The following RYR2 variants were observed in gnomAD, a reference collection of about 807,000 sequenced individuals.
The protein encoded by RYR2 is ryanodine receptor 2.
A neutral mutation model predicts 601.1 loss-of-function variants in RYR2; 227 were observed. That is an observed-to-expected ratio of 0.38 (90% CI 0.34 to 0.42). RYR2 has a LOEUF of 0.42. RYR2 is among the 10% of genes least tolerant of loss of function. The probability of loss-of-function intolerance (pLI) is 1.00; values close to 1 mark genes in which losing one functional copy is unlikely to be tolerated. For synonymous variants in RYR2, 2,223 were observed against 2,175.1 expected (o/e 1.02, Z -0.61); for missense variants, 4,646 against 6,156.5 (o/e 0.75, Z 8.21).
At chr1:237,612,752 C>A (rs1281540848) in intron 36 of RYR2, among the ~76,000 whole-genome samples, 1 of 152,010 alleles carries the variant, frequency 6.6e-6, no homozygotes, top group Admixed American at 6.5e-5. Context: ...GGAATTTTAA[C>A]ATTATAATTT....
chr1:237,422,554 A>G (rs1385444591), intron 11 of RYR2, among the ~76,000 whole-genome samples: 2 of 152,204 alleles, frequency 1.3e-5, no homozygotes, highest in Non-Finnish European at 2.9e-5. Flanking sequence ...AATGTAAAGT[A>G]TAAGAATACA....
chr1:237,485,579 C>T (rs1044349274), intron 17 of RYR2, among the ~76,000 whole-genome samples: 2 of 152,112 alleles, frequency 1.3e-5, no homozygotes, highest in Non-Finnish European at 2.9e-5. Context: ...CAGTCTTAGA[C>T]GGTGGGAGTG....
chr1:237,828,305 C>A, intron 101 of RYR2, 76 bp from the exon 102 acceptor site: 1 of 1,041,150 alleles, frequency 9.6e-7, no homozygotes, highest in Non-Finnish European at 1.4e-6. Flanking sequence ...TCTCCCCTTT[C>A]CCTGGGGGGA....
At chr1:237,476,546 G>A (rs1027408677) in intron 17 of RYR2, among the ~76,000 whole-genome samples, 4 of 138,878 alleles carry the variant, frequency 2.9e-5, no homozygotes, top group Admixed American at 7.3e-5. Flanking sequence ...AAAAAAGAAC[G>A]AGTCTTTGAG....
At chr1:237,639,695 T>C (rs1402313675) in intron 46 of RYR2, among the ~76,000 whole-genome samples, 1 of 152,140 alleles carries the variant, frequency 6.6e-6, no homozygotes, top group East Asian at 1.9e-4. Flanking sequence ...CGAGAAGCAG[T>C]CACTATCTTA....
chr1:237,230,205 A>G (rs1684830859), intron 1 of RYR2, among the ~76,000 whole-genome samples: 1 of 152,250 alleles, frequency 6.6e-6, no homozygotes, highest in African/African-American at 2.4e-5. Flanking sequence ...TGTTGCTCAG[A>G]TAGGCAAAGA....
At chr1:237,162,888 G>A (rs1161090095) in intron 1 of RYR2, among the ~76,000 whole-genome samples, 1 of 152,104 alleles carries the variant, frequency 6.6e-6, no homozygotes, top group African/African-American at 2.4e-5. Context: ...TAATGGGGCT[G>A]TTACAAAAGG....
chr1:237,157,363 A>G (rs542380759), intron 1 of RYR2, among the ~76,000 whole-genome samples: 2 of 151,722 alleles, frequency 1.3e-5, no homozygotes, highest in Non-Finnish European at 2.9e-5. Flanking sequence ...AAGAACTGCT[A>G]TATGATCCAG....
intron 19 of RYR2, among the ~76,000 whole-genome samples, 194 bp downstream of exon 19, chr1:237,493,281 A>G (rs961750035): frequency 1.3e-5 from 2 of 152,160 alleles, no homozygotes; most frequent in African/African-American, 2.4e-5. Flanking sequence ...CTAGCAAAAT[A>G]TGGATTTGCC....
At chr1:237,688,224 G>A (rs1485382700) in intron 63 of RYR2, among the ~76,000 whole-genome samples, 1 of 152,152 alleles carries the variant, frequency 6.6e-6, no homozygotes, top group Non-Finnish European at 1.5e-5. Flanking sequence ...ATAAACTGCC[G>A]AAGAAAATGT....
rs562370024 is a variant in RYR2 at position 237,152,219 on chromosome 1, G to A, written c.48+109650G>A. On this transcript the variant is annotated intron_variant, in intron 1 of 104. Transcript: ENST00000366574. ...TTATGGCTGCATAGTATTCCATGGT[G>A]TATATGTGCCACATTTTCTTTATCC... Among the ~76,000 whole-genome samples the A allele has an allele frequency of 9.8e-5, 15 of 152,298 alleles. No individual in the cohort carries two copies. In the South Asian group the frequency reaches 1.2e-3, roughly 13 times the overall value.
At chr1:237,627,530 T>C (rs1014092459) in intron 40 of RYR2, among the ~76,000 whole-genome samples, 2 of 152,206 alleles carry the variant, frequency 1.3e-5, no homozygotes, top group Non-Finnish European at 2.9e-5. Flanking sequence ...TTGCCAATGG[T>C]AATTTTGAAA....
At chr1:237,143,519 A>C (rs1673616454) in intron 1 of RYR2, among the ~76,000 whole-genome samples, 1 of 152,012 alleles carries the variant, frequency 6.6e-6, no homozygotes, top group African/African-American at 2.4e-5. Context: ...GCCTCCCATA[A>C]CTGTCCAGTA....
At chr1:237,716,100 C>T (rs1467342786) in intron 71 of RYR2, among the ~76,000 whole-genome samples, 1 of 151,970 alleles carries the variant, frequency 6.6e-6, no homozygotes, top group African/African-American at 2.4e-5. Context: ...TTTAATATAA[C>T]ACTTCAATAT....
intron 77 of RYR2, 126 bp from the exon 78 acceptor site, chr1:237,731,920 C>CA: frequency 4.0e-6 from 1 of 249,540 alleles, no homozygotes; most frequent in Non-Finnish European, 7.3e-6. Flanking sequence ...ACACACACAC[C>CA]CCACAACAGG....
At chr1:237,210,537 T>G (rs926481182) in intron 1 of RYR2, among the ~76,000 whole-genome samples, 4 of 152,186 alleles carry the variant, frequency 2.6e-5, no homozygotes, top group Admixed American at 2.6e-4. Flanking sequence ...GGTTTTCTCT[T>G]GCTTCTCTTG....
intron 2 of RYR2, among the ~76,000 whole-genome samples, chr1:237,316,969 A>G (rs1451164778): frequency 6.6e-6 from 1 of 152,176 alleles, no homozygotes; most frequent in Non-Finnish European, 1.5e-5. Flanking sequence ...TGTGGGTCAC[A>G]GAAGGACTGG....
At chr1:237,050,406 A>C (rs1324890640) in intron 1 of RYR2, among the ~76,000 whole-genome samples, 1 of 152,208 alleles carries the variant, frequency 6.6e-6, no homozygotes, top group African/African-American at 2.4e-5. Flanking sequence ...CGTGGTTCTT[A>C]GTGTGCAGGG....
At chr1:237,324,573 A>C (rs1695963306) in intron 2 of RYR2, among the ~76,000 whole-genome samples, 1 of 152,094 alleles carries the variant, frequency 6.6e-6, no homozygotes, top group South Asian at 2.1e-4. Context: ...GGTTTTCTTA[A>C]ATTAGGCAGA....
Sources: allele counts gnomAD v4.1 joint callset (sites outside exome capture counted in the v4.1 genomes callset), GRCh38; gene constraint gnomAD v4.1.1; transcripts MANE v1.5; gene names NCBI Gene and HGNC (gene_info 2026-07-23, HGNC 2026-07-21).